Variants in SCHIP1 observed in about 807,000 individuals in gnomAD.
SCHIP1 encodes the protein schwannomin-interacting protein 1.
SCHIP1 carries 8 observed loss-of-function variants against 29.7 expected under a neutral mutation model. That is an observed-to-expected ratio of 0.27 (90% CI 0.16 to 0.49). The LOEUF is 0.49. Among genes scored for constraint, SCHIP1 ranks in the 20% least tolerant of loss-of-function variants. The probability of loss-of-function intolerance (pLI) is 0.99; values close to 1 mark genes in which losing one functional copy is unlikely to be tolerated. For missense variants in SCHIP1, 193 were observed against 294.6 expected, an observed-to-expected ratio of 0.66 and a Z score of 2.52; for synonymous variants, 76 against 94.9, an observed-to-expected ratio of 0.80 and a Z score of 1.16.
chr3:159,850,417 G>A (rs543637483), intron 1 of SCHIP1, among the ~76,000 whole-genome samples: 2 of 152,144 alleles, frequency 1.3e-5, no homozygotes, highest in South Asian at 4.2e-4. Context: ...AGCTGGGCGT[G>A]GTGGCGGGCA....
the SCHIP1 span, among the ~76,000 whole-genome samples, chr3:159,576,909 G>A: frequency 6.6e-6 from 1 of 152,036 alleles, no homozygotes; most frequent in African/African-American, 2.4e-5. Context: ...TTATATTCCG[G>A]TGATCTCAAA....
chr3:159,603,305 C>A, the SCHIP1 span, among the ~76,000 whole-genome samples: 4 of 152,180 alleles, frequency 2.6e-5, no homozygotes, highest in Non-Finnish European at 5.9e-5. Flanking sequence ...GCTCACTGAA[C>A]CCTGTCCTTT....
chr3:159,606,919 G>C, the SCHIP1 span, among the ~76,000 whole-genome samples: 2 of 152,212 alleles, frequency 1.3e-5, no homozygotes, highest in Non-Finnish European at 2.9e-5. Flanking sequence ...CTAAAGCAAA[G>C]TGAAGAAGGA....
At chr3:159,453,251 C>T in the SCHIP1 span, among the ~76,000 whole-genome samples, 425 of 152,288 alleles carry the variant, frequency 2.8e-3, 1 homozygote, top group African/African-American at 9.5e-3. Context: ...CTGTGTGACC[C>T]TGGATAAGTC....
At chr3:159,480,594 C>A in the SCHIP1 span, among the ~76,000 whole-genome samples, 11 of 151,980 alleles carry the variant, frequency 7.2e-5, no homozygotes, top group Non-Finnish European at 1.5e-4. Flanking sequence ...TATTATAAAT[C>A]CCTTCTCTCA....
the SCHIP1 span, among the ~76,000 whole-genome samples, chr3:159,566,415 C>T: frequency 6.6e-6 from 1 of 152,076 alleles, no homozygotes; most frequent in Non-Finnish European, 1.5e-5. Context: ...CAAAAATAAA[C>T]CAAAACCCTG....
At chr3:159,672,047 T>C in the SCHIP1 span, among the ~76,000 whole-genome samples, 14 of 152,342 alleles carry the variant, frequency 9.2e-5, no homozygotes, top group South Asian at 2.3e-3. Flanking sequence ...TGGGGATAAT[T>C]GGAACCTCAA....
the SCHIP1 span, among the ~76,000 whole-genome samples, chr3:159,432,343 A>AGAGAGAGAGAGAGAGAGG: frequency 1.3e-5 from 1 of 76,116 alleles, no homozygotes; most frequent in Admixed American, 1.4e-4. Flanking sequence ...TGTGTGTGAG[A>AGAGAGAGAGAGAGAGAGG]GAGAGAGAGA....
the SCHIP1 span, among the ~76,000 whole-genome samples, chr3:159,543,402 G>A: frequency 8.3e-6 from 1 of 119,844 alleles, no homozygotes; most frequent in Non-Finnish European, 1.6e-5. Context: ...AGAGTGTGAT[G>A]TCCCCCTTCC....
At chr3:159,702,175 T>A in the SCHIP1 span, among the ~76,000 whole-genome samples, 1 of 152,192 alleles carries the variant, frequency 6.6e-6, no homozygotes, top group South Asian at 2.1e-4. Flanking sequence ...TTTTTAAAAC[T>A]TTTCTAGCTA....
chr3:159,775,210 TCA>T, the SCHIP1 span, among the ~76,000 whole-genome samples: 1 of 152,370 alleles, frequency 6.6e-6, no homozygotes, highest in East Asian at 1.9e-4. Flanking sequence ...TCTTAGTTAT[TCA>T]CAGAGTTAGT....
chr3:159,888,727 G>A (rs2109462065), intron 4 of SCHIP1, 93 bp from the exon 6 acceptor site: 1 of 1,534,698 alleles, frequency 6.5e-7, no homozygotes, highest in South Asian at 1.3e-5. Flanking sequence ...CAGTGGGTGG[G>A]TGAGTGGGTC....
At chr3:159,399,299 T>C in the SCHIP1 span, among the ~76,000 whole-genome samples, 26,456 of 152,192 alleles carry the variant, frequency 0.17, 2,521 homozygotes, top group Middle Eastern at 0.29. Context: ...ACTTACTCTT[T>C]ATTTCATAGT....
chr3:159,395,803 T>G, the SCHIP1 span, among the ~76,000 whole-genome samples: 1 of 151,754 alleles, frequency 6.6e-6, no homozygotes, highest in Non-Finnish European at 1.5e-5. Context: ...TCTGTTGATT[T>G]GAGGTGGAGA....
At chr3:159,665,170 G>T in the SCHIP1 span, among the ~76,000 whole-genome samples, 1 of 152,322 alleles carries the variant, frequency 6.6e-6, no homozygotes, top group Middle Eastern at 3.4e-3. Context: ...TTAGGACCAG[G>T]TTTAGAACTA....
the SCHIP1 span, chr3:159,273,860 G>A: frequency 5.6e-6 from 9 of 1,613,402 alleles, no homozygotes; most frequent in African/African-American, 6.7e-5. Context: ...GTGGGACTGT[G>A]ACCAGGGCAA....
the SCHIP1 span, among the ~76,000 whole-genome samples, chr3:159,794,450 A>G: frequency 6.6e-6 from 1 of 152,270 alleles, no homozygotes; most frequent in East Asian, 1.9e-4. Flanking sequence ...TCAGGTAGAG[A>G]ACTTTTCTGC....
At chr3:159,428,585 T>C in the SCHIP1 span, among the ~76,000 whole-genome samples, 3 of 151,510 alleles carry the variant, frequency 2.0e-5, no homozygotes, top group Non-Finnish European at 3.0e-5. Context: ...GGAACACTTT[T>C]ACACTGTTGG....
At chr3:159,714,461 G>T in the SCHIP1 span, among the ~76,000 whole-genome samples, 1 of 152,206 alleles carries the variant, frequency 6.6e-6, no homozygotes, top group African/African-American at 2.4e-5. Context: ...CCCGGGAAGT[G>T]CAGCGCAAGA....
Sources: allele counts gnomAD v4.1 joint callset (sites outside exome capture counted in the v4.1 genomes callset), GRCh38; gene constraint gnomAD v4.1.1; transcripts MANE v1.5; gene names NCBI Gene and HGNC (gene_info 2026-07-23, HGNC 2026-07-21).